The following AGBL3 variants were observed in gnomAD, a reference collection of about 807,000 sequenced individuals.
AGBL3 encodes cytosolic carboxypeptidase 3.
AGBL3 carries 68 observed loss-of-function variants against 94.5 expected under a neutral mutation model. The observed-to-expected ratio is 0.72, with a 90% confidence interval of 0.59 to 0.88. The LOEUF is 0.88. Ranked by LOEUF, AGBL3 falls within the 40% of genes least tolerant of loss-of-function variation. The pLI is 0.00. For missense variants in AGBL3, 934 were observed against 1,103.8 expected, an observed-to-expected ratio of 0.85 and a Z score of 2.18; for synonymous variants, 354 against 370.7, an observed-to-expected ratio of 0.95 and a Z score of 0.52.
At chr7:135,132,067 G>C (rs1828851133) in intron 16 of AGBL3, among the ~76,000 whole-genome samples, 1 of 152,112 alleles carries the variant, frequency 6.6e-6, no homozygotes, top group African/African-American at 2.4e-5. Flanking sequence ...ACCTGGCCTA[G>C]GTGGTTTTAG....
intron 16 of AGBL3, among the ~76,000 whole-genome samples, chr7:135,128,077 A>G (rs1286354593): frequency 6.6e-6 from 1 of 152,050 alleles, no homozygotes; most frequent in African/African-American, 2.4e-5. Context: ...GTGGATCACA[A>G]GGTCAGGAGT....
At chr7:135,063,164 G>T (rs1377299301) in intron 12 of AGBL3, among the ~76,000 whole-genome samples, 1 of 151,964 alleles carries the variant, frequency 6.6e-6, no homozygotes, top group Admixed American at 6.6e-5. Context: ...GTTTATAATG[G>T]TAGTCTTTTA....
At chr7:135,021,603 C>T (rs1814478027) in intron 5 of AGBL3, among the ~76,000 whole-genome samples, 1 of 151,172 alleles carries the variant, frequency 6.6e-6, no homozygotes, top group African/African-American at 2.4e-5. Flanking sequence ...TACTTTTAAC[C>T]TATGTTTTAT....
intron 1 of AGBL3, among the ~76,000 whole-genome samples, chr7:134,987,239 G>A (rs1809582867): frequency 6.6e-6 from 1 of 152,182 alleles, no homozygotes; most frequent in Non-Finnish European, 1.5e-5. Context: ...AAATTGTCGA[G>A]TCCTTTGGTC....
intron 15 of AGBL3, among the ~76,000 whole-genome samples, chr7:135,103,235 C>T (rs1426977929): frequency 6.6e-6 from 1 of 152,128 alleles, no homozygotes; most frequent in Admixed American, 6.5e-5. Flanking sequence ...TTCTAATGCT[C>T]TTGGTGGATT....
chr7:135,068,369 C>T (rs1374872372), intron 12 of AGBL3, among the ~76,000 whole-genome samples: 2 of 152,086 alleles, frequency 1.3e-5, no homozygotes, highest in East Asian at 3.9e-4. Flanking sequence ...CATTCAAATT[C>T]AGGAAATACA....
At chr7:135,070,159 C>T (rs887685043) in intron 12 of AGBL3, among the ~76,000 whole-genome samples, 9 of 152,136 alleles carry the variant, frequency 5.9e-5, no homozygotes. Flanking sequence ...CATACACCCT[C>T]CCAAGACTAA....
chr7:135,058,356 C>A (rs548163393), intron 11 of AGBL3, among the ~76,000 whole-genome samples: 1 of 152,070 alleles, frequency 6.6e-6, no homozygotes, highest in Non-Finnish European at 1.5e-5. Context: ...AACGTGCCTA[C>A]CACTGCATTA....
intron 11 of AGBL3, among the ~76,000 whole-genome samples, chr7:135,058,577 C>T (rs912499607): frequency 2.0e-5 from 3 of 151,998 alleles, no homozygotes; most frequent in African/African-American, 7.3e-5. Flanking sequence ...CTACTATATG[C>T]CAAGCACTAT....
chr7:134,991,612 G>T (rs1350807137), intron 3 of AGBL3, among the ~76,000 whole-genome samples: 1 of 151,980 alleles, frequency 6.6e-6, no homozygotes, highest in Non-Finnish European at 1.5e-5. Flanking sequence ...TACTGAGAAC[G>T]CCTTGATCTC....
chr7:135,084,083 C>T (rs990522700), intron 15 of AGBL3, among the ~76,000 whole-genome samples: 2 of 151,988 alleles, frequency 1.3e-5, no homozygotes, highest in Non-Finnish European at 2.9e-5. Context: ...TGGTCTATTA[C>T]TCAAAATTTT....
intron 16 of AGBL3, 25 bp downstream of exon 16, chr7:135,115,636 C>T: frequency 6.8e-7 from 1 of 1,479,892 alleles, no homozygotes; most frequent in Non-Finnish European, 9.2e-7. Flanking sequence ...TTTTATCACT[C>T]TTATCTATTT....
At chr7:135,014,197 GAA>G (rs58580550) in intron 4 of AGBL3, among the ~76,000 whole-genome samples, 4 of 65,508 alleles carry the variant, frequency 6.1e-5, no homozygotes, top group East Asian at 5.3e-4. Context: ...CTCTGTCTCT[GAA>G]AAAAAAAAAA....
At chr7:135,085,427 C>A (rs552942468) in intron 15 of AGBL3, among the ~76,000 whole-genome samples, 1 of 152,070 alleles carries the variant, frequency 6.6e-6, no homozygotes, top group Admixed American at 6.6e-5. Flanking sequence ...TTTCATCAGA[C>A]CAATGTCCTG....
intron 4 of AGBL3, among the ~76,000 whole-genome samples, chr7:135,008,123 T>C (rs183976845): frequency 2.6e-5 from 4 of 152,044 alleles, no homozygotes; most frequent in Admixed American, 1.3e-4. Context: ...TTTGTAGAAA[T>C]TGACAGACTG....
At chr7:135,010,022 CT>C (rs34139471) in intron 4 of AGBL3, 157,185 of 379,306 alleles carry the variant, frequency 0.41, 14,285 homozygotes, top group East Asian at 0.59. Context: ...GAGGATGACA[CT>C]TTTTTTTTTT....
At chr7:135,060,838 G>A (rs1481573967) in intron 12 of AGBL3, among the ~76,000 whole-genome samples, 1 of 152,094 alleles carries the variant, frequency 6.6e-6, no homozygotes, top group Non-Finnish European at 1.5e-5. Flanking sequence ...TGGCTATTGT[G>A]AATAGTGCTG....
intron 5 of AGBL3, among the ~76,000 whole-genome samples, chr7:135,031,623 C>T (rs985678154): frequency 1.3e-5 from 2 of 152,178 alleles, no homozygotes; most frequent in African/African-American, 4.8e-5. Flanking sequence ...GCTGGCAGAT[C>T]ATTTTGCTTC....
chr7:135,018,797 G>A (rs1299889275), intron 5 of AGBL3, among the ~76,000 whole-genome samples: 1 of 152,174 alleles, frequency 6.6e-6, no homozygotes, highest in Admixed American at 6.5e-5. Flanking sequence ...GGGTACTGAA[G>A]AATGTGTCAT....
Sources: allele counts gnomAD v4.1 joint callset (sites outside exome capture counted in the v4.1 genomes callset), GRCh38; gene constraint gnomAD v4.1.1; transcripts MANE v1.5; gene names NCBI Gene and HGNC (gene_info 2026-07-23, HGNC 2026-07-21).